Variants in FRMD4A observed in about 807,000 individuals in gnomAD.
FRMD4A encodes FERM domain-containing protein 4A.
FRMD4A carries 29 observed loss-of-function variants against 129.1 expected under a neutral mutation model. The ratio of observed to expected loss-of-function variants is 0.22; its 90% CI spans 0.17 to 0.31. The LOEUF (loss-of-function observed/expected upper bound fraction) is 0.31, where lower values mean the gene tolerates loss of function less well. FRMD4A is among the 10% of genes least tolerant of loss of function. The pLI is 1.00. For synonymous variants in FRMD4A, 634 were observed against 571.6 expected, an observed-to-expected ratio of 1.11 and a Z score of -1.56; for missense variants, 1,272 against 1,375.8, an observed-to-expected ratio of 0.92 and a Z score of 1.19.
In FRMD4A at chr10:13,870,519, C is replaced by T. The variant is rs150281837; in HGVS notation, c.46-11607G>A. Among the ~76,000 whole-genome samples, 841 of 152,318 alleles carry T rather than the reference C, an allele frequency of 5.5e-3. 12 individuals are homozygous for T. Among genetic ancestry groups the T allele is most frequent in the African/African-American group, 0.02 (814 of 41,578 alleles). On this transcript the variant is annotated intron_variant, in intron 2 of 24. Coordinates refer to ENST00000357447, the MANE Select transcript of FRMD4A (RefSeq NM_018027.5). Reference sequence around the variant, plus strand: ...AAGCCCATCGCTGTGGTCTCCTCTACGCCATGCATTCAGCCCGGTGCTGGG... The same window carrying T: ...AAGCCCATCGCTGTGGTCTCCTCTATGCCATGCATTCAGCCCGGTGCTGGG...
intron 2 of FRMD4A, among the ~76,000 whole-genome samples, chr10:14,089,260 TG>T (rs1446745297): frequency 1.3e-5 from 2 of 152,232 alleles, no homozygotes; most frequent in East Asian, 3.9e-4. Context: ...TGAGTTTCCG[TG>T]GGGAGAGAAG....
chr10:13,957,268 T>C (rs1028119299), intron 2 of FRMD4A, among the ~76,000 whole-genome samples: 5 of 152,200 alleles, frequency 3.3e-5, no homozygotes, highest in African/African-American at 1.2e-4. Context: ...TTTTGTTTTT[T>C]GTGAGACAGA....
intron 2 of FRMD4A, among the ~76,000 whole-genome samples, chr10:14,163,961 G>A (rs1042234911): frequency 5.9e-5 from 9 of 152,098 alleles, no homozygotes; most frequent in African/African-American, 2.2e-4. Flanking sequence ...CACCAGCCCC[G>A]AGGCGTGGCT....
intron 2 of FRMD4A, chr10:13,972,014 G>A: frequency 1.7e-6 from 2 of 1,176,728 alleles, no homozygotes; most frequent in Non-Finnish European, 2.1e-6. Context: ...TCAAGGATAA[G>A]CAAAAGGCTC....
intron 5 of FRMD4A, among the ~76,000 whole-genome samples, chr10:13,793,492 G>A (rs968170966): frequency 6.6e-6 from 1 of 152,086 alleles, no homozygotes; most frequent in African/African-American, 2.4e-5. Flanking sequence ...CAGGTGGCTC[G>A]ATTCTGCTTT....
intron 2 of FRMD4A, among the ~76,000 whole-genome samples, chr10:13,893,286 A>T (rs2094721524): frequency 6.6e-6 from 1 of 151,956 alleles, no homozygotes. Flanking sequence ...AGCTGACTGG[A>T]GACTTGATGA....
chr10:14,107,346 T>C (rs1243052632), intron 2 of FRMD4A, among the ~76,000 whole-genome samples: 1 of 152,168 alleles, frequency 6.6e-6, no homozygotes, highest in East Asian at 1.9e-4. Flanking sequence ...CCCCCAAATC[T>C]AAAATAAAAG....
intron 15 of FRMD4A, among the ~76,000 whole-genome samples, chr10:13,691,189 C>T (rs1456431450): frequency 4.6e-5 from 7 of 152,290 alleles, no homozygotes; most frequent in African/African-American, 7.2e-5. Flanking sequence ...GCTTTCACCA[C>T]GTTAGCCAGG....
intron 2 of FRMD4A, among the ~76,000 whole-genome samples, chr10:13,894,010 C>T (rs1350448220): frequency 6.6e-6 from 1 of 152,176 alleles, no homozygotes; most frequent in Non-Finnish European, 1.5e-5. Flanking sequence ...TCCCCAAAGC[C>T]AGAAACAGGG....
At chr10:13,836,506 T>C (rs2093875772) in intron 3 of FRMD4A, among the ~76,000 whole-genome samples, 1 of 152,074 alleles carries the variant, frequency 6.6e-6, no homozygotes, top group African/African-American at 2.4e-5. Flanking sequence ...GAAACAGAAA[T>C]GCGAAGTGGC....
intron 24 of FRMD4A, chr10:13,647,771 C>A (rs1335092076): frequency 6.8e-6 from 1 of 147,090 alleles, no homozygotes; most frequent in Admixed American, 6.8e-5. Flanking sequence ...GAGGTATCAC[C>A]ATTTAGGTTG....
intron 2 of FRMD4A, among the ~76,000 whole-genome samples, chr10:14,322,411 GT>G (rs1843096591): frequency 6.6e-6 from 1 of 152,168 alleles, no homozygotes; most frequent in South Asian, 2.1e-4. Context: ...TCACATACCT[GT>G]GGAACAAGCA....
chr10:14,163,647 CA>C (rs1294860030), intron 2 of FRMD4A, among the ~76,000 whole-genome samples: 1 of 152,222 alleles, frequency 6.6e-6, no homozygotes, highest in Non-Finnish European at 1.5e-5. Context: ...GATGAATAAG[CA>C]AATGAGATTC....
At chr10:13,652,303 G>A in intron 23 of FRMD4A, 1 of 366,544 alleles carries the variant, frequency 2.7e-6, no homozygotes, top group Non-Finnish European at 5.1e-6. Context: ...GGTGAAATAG[G>A]CAGGTTTCAA....
chr10:14,160,834 G>T (rs956136436), intron 2 of FRMD4A, among the ~76,000 whole-genome samples: 6 of 152,190 alleles, frequency 3.9e-5, no homozygotes, highest in Non-Finnish European at 5.9e-5. Flanking sequence ...ACCCCATTTA[G>T]AATGGGGTTA....
chr10:13,933,360 T>C (rs1427250478), intron 2 of FRMD4A, among the ~76,000 whole-genome samples: 2 of 152,172 alleles, frequency 1.3e-5, no homozygotes, highest in African/African-American at 4.8e-5. Flanking sequence ...GGTATTTAAA[T>C]CCCCACAAAT....
intron 20 of FRMD4A, among the ~76,000 whole-genome samples, chr10:13,659,867 C>CCA (rs1554827840): frequency 4.6e-5 from 7 of 151,274 alleles, no homozygotes; most frequent in South Asian, 2.1e-4. Flanking sequence ...CCTTCCCCCC[C>CCA]AAAAAAAACC....
At chr10:14,067,877 G>A (rs11258849) in intron 2 of FRMD4A, among the ~76,000 whole-genome samples, 4,933 of 152,182 alleles carry the variant, frequency 0.032, 293 homozygotes, top group African/African-American at 0.11. Context: ...ACACCCAAAT[G>A]TATATACACA....
intron 3 of FRMD4A, among the ~76,000 whole-genome samples, chr10:13,842,006 C>T (rs2093974876): frequency 6.6e-6 from 1 of 152,164 alleles, no homozygotes; most frequent in African/African-American, 2.4e-5. Flanking sequence ...ACTATCCTTC[C>T]TCTTGCCCAC....
Sources: allele counts gnomAD v4.1 joint callset (sites outside exome capture counted in the v4.1 genomes callset), GRCh38; gene constraint gnomAD v4.1.1; transcripts MANE v1.5; gene names NCBI Gene and HGNC (gene_info 2026-07-23, HGNC 2026-07-21).